The following SCRG1 variants were observed in gnomAD, a reference collection of about 807,000 sequenced individuals.
The protein encoded by SCRG1 is scrapie-responsive protein 1.
A neutral mutation model predicts 7.7 loss-of-function variants in SCRG1; 3 were observed. The observed-to-expected ratio is 0.39, with a 90% CI of 0.18 to 1.01. The LOEUF is 1.01. Ranked by LOEUF, SCRG1 falls within the 50% of genes least tolerant of loss-of-function variation. SCRG1 has a pLI of 0.36. For synonymous variants in SCRG1, 46 were observed against 41.2 expected, an observed-to-expected ratio of 1.12 and a Z score of -0.44; for missense variants, 110 against 117.2, an observed-to-expected ratio of 0.94 and a Z score of 0.28.
chr4:173,498,181 T>C, the SCRG1 span, among the ~76,000 whole-genome samples: 2 of 152,242 alleles, frequency 1.3e-5, no homozygotes, highest in African/African-American at 2.4e-5. Flanking sequence ...AAGACTCTTA[T>C]AAACAAATCA....
At chr4:173,416,589 G>T in the SCRG1 span, among the ~76,000 whole-genome samples, 1 of 152,202 alleles carries the variant, frequency 6.6e-6, no homozygotes, top group African/African-American at 2.4e-5. Context: ...CTGCACTCCA[G>T]CCTGGGCAAC....
At chr4:173,445,734 C>T in the SCRG1 span, among the ~76,000 whole-genome samples, 48 of 148,884 alleles carry the variant, frequency 3.2e-4, no homozygotes, top group Non-Finnish European at 5.3e-4. Flanking sequence ...GGCGGGATCT[C>T]GGCTCACTGC....
chr4:173,511,882 C>T, the SCRG1 span, among the ~76,000 whole-genome samples: 7 of 152,280 alleles, frequency 4.6e-5, no homozygotes, highest in South Asian at 1.2e-3. This position sits in a 1 kb window ranked among gnomAD's most constrained non-coding sequence, Gnocchi z 5.2. Context: ...TCCTCCCAGA[C>T]GAGCATTCTT....
At chr4:173,484,201 T>TATATATTTTCTATATTATATATA in the SCRG1 span, among the ~76,000 whole-genome samples, 38 of 90,580 alleles carry the variant, frequency 4.2e-4, no homozygotes, top group East Asian at 7.0e-4. Context: ...TATTATATAT[T>TATATATTTTCTATATTATATATA]ATATATATTT....
the SCRG1 span, among the ~76,000 whole-genome samples, chr4:173,437,291 G>A: frequency 6.6e-6 from 1 of 152,058 alleles, no homozygotes; most frequent in African/African-American, 2.4e-5. Flanking sequence ...CACAGAGTAG[G>A]TCAAAACAAA....
chr4:173,483,553 T>TGTATTGTGATATATAATATATATG, the SCRG1 span, among the ~76,000 whole-genome samples: 59 of 93,768 alleles, frequency 6.3e-4, 20 homozygotes, highest in South Asian at 2.6e-3. Flanking sequence ...TAATATATAT[T>TGTATTGTGATATATAATATATATG]ATATATTGTA....
the SCRG1 span, among the ~76,000 whole-genome samples, chr4:173,518,506 T>C: frequency 1.3e-5 from 2 of 152,022 alleles, no homozygotes; most frequent in African/African-American, 4.8e-5. Context: ...AGTGGGTGAA[T>C]TCTTATTATG....
At chr4:173,484,928 A>ATTT in the SCRG1 span, among the ~76,000 whole-genome samples, 1 of 61,920 alleles carries the variant, frequency 1.6e-5, no homozygotes, top group African/African-American at 6.7e-5. Flanking sequence ...TAGATATTAT[A>ATTT]TATTATATTA....
upstream of SCRG1, among the ~76,000 whole-genome samples, chr4:173,411,066 C>T (rs985458543): frequency 6.6e-6 from 1 of 152,162 alleles, no homozygotes; most frequent in East Asian, 1.9e-4. Context: ...TCCTTAGCTC[C>T]ATCTATCATT....
the SCRG1 span, among the ~76,000 whole-genome samples, chr4:173,444,210 G>A: frequency 6.6e-6 from 1 of 152,096 alleles, no homozygotes; most frequent in African/African-American, 2.4e-5. Context: ...CTGACCTCGG[G>A]TGATTCACCC....
At chr4:173,421,780 G>A in the SCRG1 span, among the ~76,000 whole-genome samples, 1 of 152,176 alleles carries the variant, frequency 6.6e-6, no homozygotes, top group African/African-American at 2.4e-5. Context: ...TCTTTAGTAT[G>A]GGGCAGGTAG....
the SCRG1 span, among the ~76,000 whole-genome samples, chr4:173,478,047 C>T: frequency 1.5e-4 from 23 of 152,280 alleles, no homozygotes; most frequent in African/African-American, 5.5e-4. Flanking sequence ...TGGGATCCAA[C>T]TGGATTTTGG....
chr4:173,395,157 C>T (rs921262165), intron 1 of SCRG1, among the ~76,000 whole-genome samples: 2 of 152,186 alleles, frequency 1.3e-5, no homozygotes, highest in African/African-American at 4.8e-5. Context: ...TCTTTCATAG[C>T]GCCCTTTCTT....
the SCRG1 span, among the ~76,000 whole-genome samples, chr4:173,455,437 C>T: frequency 8.5e-5 from 13 of 152,230 alleles, no homozygotes; most frequent in Non-Finnish European, 1.3e-4. Flanking sequence ...GAAGGGGCAT[C>T]GCAGTTGGTA....
the SCRG1 span, chr4:173,468,323 C>G: frequency 6.6e-6 from 1 of 152,124 alleles, no homozygotes; most frequent in African/African-American, 2.4e-5. Context: ...TATATTGTAG[C>G]CTAGGCTACA....
the SCRG1 span, among the ~76,000 whole-genome samples, chr4:173,454,536 G>A: frequency 6.6e-6 from 1 of 152,180 alleles, no homozygotes; most frequent in Non-Finnish European, 1.5e-5. Flanking sequence ...AAACTTGGTA[G>A]ATAATTTTGT....
the SCRG1 span, among the ~76,000 whole-genome samples, chr4:173,505,307 G>T: frequency 2.0e-5 from 3 of 152,160 alleles, no homozygotes; most frequent in Non-Finnish European, 4.4e-5. The surrounding 1 kb of genome is among the most constrained non-coding windows in gnomAD (Gnocchi z 4.4). Context: ...TGCCCACCTG[G>T]AGTCAGTGCC....
chr4:173,508,554 C>T, the SCRG1 span, among the ~76,000 whole-genome samples: 2 of 152,174 alleles, frequency 1.3e-5, no homozygotes, highest in Non-Finnish European at 2.9e-5. The surrounding 1 kb of genome is among the most constrained non-coding windows in gnomAD (Gnocchi z 4.4). Flanking sequence ...ACAGATGAAG[C>T]CAGACCACAG....
At chr4:173,461,933 G>A in the SCRG1 span, among the ~76,000 whole-genome samples, 1 of 152,026 alleles carries the variant, frequency 6.6e-6, no homozygotes, top group Non-Finnish European at 1.5e-5. Context: ...GCATACCGAG[G>A]AATGTATCAA....
Sources: allele counts gnomAD v4.1 joint callset (sites outside exome capture counted in the v4.1 genomes callset), GRCh38; gene constraint gnomAD v4.1.1; non-coding constraint Gnocchi (gnomAD v3.1); transcripts MANE v1.5; gene names NCBI Gene and HGNC (gene_info 2026-07-23, HGNC 2026-07-21).